Variants in CDC25A observed in about 807,000 individuals in gnomAD.
CDC25A encodes the protein cell division cycle 25A.
A neutral mutation model predicts 64.6 loss-of-function variants in CDC25A; 17 were observed. The observed-to-expected ratio is 0.26, with a 90% CI of 0.18 to 0.39. The LOEUF is 0.39. Among genes scored for constraint, CDC25A ranks in the 10% least tolerant of loss-of-function variants. The probability of loss-of-function intolerance (pLI) is 1.00; values close to 1 mark genes in which losing one functional copy is unlikely to be tolerated. For synonymous variants in CDC25A, 229 were observed against 238.6 expected, an observed-to-expected ratio of 0.96 and a Z score of 0.37; for missense variants, 473 against 654.8, an observed-to-expected ratio of 0.72 and a Z score of 3.03.
chr3:48,187,821 T>A lies in CDC25A; in HGVS notation c.127A>T (p.Thr43Ser). The change falls in exon 1 of 15, where the codon ACC becomes TCC. Residue 43 changes from threonine to serine, a missense_variant. Physicochemically the swap from Thr to Ser is moderately conservative, Grantham distance 58. Transcript: ENST00000302506. ...ASAAGGLSPV[T>S]NLTVTMDQLQ... ...TGGTCCATAGTGACGGTCAGGTTGG[T>A]GACAGGCGACAGTCCCCCGGCGGCT... 6.5e-7 allele frequency: 1 copy of A among 1,548,762 alleles called. No homozygotes were observed. The highest frequency in any genetic ancestry group is 8.7e-7 in the Non-Finnish European group (1 of 1,145,720).
In CDC25A at chr3:48,159,332, C is replaced by G; in HGVS notation, c.1434+12G>C. 1 of 1,574,238 alleles carries G rather than the reference C, an allele frequency of 6.4e-7. No homozygotes were observed. The highest frequency in any genetic ancestry group is 1.1e-5 in the South Asian group (1 of 90,252). On this transcript the variant is annotated intron_variant, in intron 14 of 14. Transcript: ENST00000302506. Reference sequence around the variant, plus strand: ...AGGGGAGGAGAGATGCTCTCCACAACCCCAGTCTTACCTGGCATTTCATAA... The same window carrying G: ...AGGGGAGGAGAGATGCTCTCCACAAGCCCAGTCTTACCTGGCATTTCATAA...
Position 48,159,509 on chromosome 3 carries a change from A to G in CDC25A, c.1323-54T>C, listed in dbSNP as rs962005490. 4 of 1,180,006 alleles carry G rather than the reference A, an allele frequency of 3.4e-6. No individual in the cohort carries two copies. In the African/African-American group the frequency reaches 6.0e-5, roughly 18 times the overall value. The allele number at this position is 1,180,006 out of a possible 1,614,324, so 73.1% of individuals were successfully genotyped here. A position where few individuals can be genotyped will look rare whatever the true frequency, so the allele number is the denominator to read the frequency against. ...GGTTAGCTTTTCCAGCACAGCAACA[A>G]GGCAACGCAGTCAAAGCAGCAGTTG... On this transcript the variant is annotated intron_variant, in intron 13 of 14. Coordinates refer to ENST00000302506, the MANE Select transcript of CDC25A (RefSeq NM_001789.3).
intron 12 of CDC25A, 129 bp downstream of exon 12, chr3:48,165,507 T>C: frequency 1.5e-6 from 1 of 646,560 alleles, no homozygotes; most frequent in Middle Eastern, 3.4e-4. Context: ...CCTTCCACAC[T>C]CACTGTATTG....
intron 5 of CDC25A, among the ~76,000 whole-genome samples, chr3:48,181,958 T>C (rs947758260): frequency 2.0e-5 from 3 of 152,160 alleles, no homozygotes; most frequent in African/African-American, 4.8e-5. Context: ...GTGCCCAAAA[T>C]ATTGAAGTAA....
At chr3:48,168,620 CTTTTTTT>C (rs35535424) in intron 9 of CDC25A, among the ~76,000 whole-genome samples, 1 of 135,440 alleles carries the variant, frequency 7.4e-6, no homozygotes, top group Non-Finnish European at 1.6e-5. Flanking sequence ...TATGTCTTAA[CTTTTTTT>C]TTTTTTTTTT....
At chr3:48,174,744 G>C (rs892744553) in intron 8 of CDC25A, 2 of 226,748 alleles carry the variant, frequency 8.8e-6, no homozygotes, top group Non-Finnish European at 1.7e-5. Flanking sequence ...GTCAAGAGAA[G>C]TGTGACCTTC....
intron 10 of CDC25A, among the ~76,000 whole-genome samples, chr3:48,166,198 G>A (rs543726561): frequency 4.9e-5 from 7 of 142,758 alleles, no homozygotes; most frequent in South Asian, 2.3e-4. Context: ...TGGGAAAATC[G>A]CTTGAATCCA....
chr3:48,158,880 T>C lies in CDC25A; in HGVS notation c.*65A>G. 1 of 1,583,244 alleles carries C rather than the reference T, an allele frequency of 6.3e-7. No individual in the cohort carries two copies. The highest frequency in any genetic ancestry group is 8.6e-7 in the Non-Finnish European group (1 of 1,161,898). ...GCTGTCCCCTTTGCTTAAGTTTCTCTGCAGCAAAGAGGGTAAAGGGGGATG... is the reference window on the plus strand; with the variant it reads ...GCTGTCCCCTTTGCTTAAGTTTCTCCGCAGCAAAGAGGGTAAAGGGGGATG... On this transcript the variant is annotated 3_prime_UTR_variant, in exon 15 of 15. Coordinates refer to ENST00000302506, the MANE Select transcript of CDC25A (RefSeq NM_001789.3).
chr3:48,161,647 T>C (rs1360455775), intron 13 of CDC25A, among the ~76,000 whole-genome samples: 1 of 152,010 alleles, frequency 6.6e-6, no homozygotes, highest in Non-Finnish European at 1.5e-5. Flanking sequence ...AGGCAGAGGC[T>C]ACAGTGAGCT....
chr3:48,177,761 A>G, intron 7 of CDC25A, 93 bp downstream of exon 7: 1 of 1,413,598 alleles, frequency 7.1e-7, no homozygotes, highest in Non-Finnish European at 1.0e-6. Flanking sequence ...GCCCCGGGGA[A>G]CTGCTGTTGC....
At chr3:48,161,890 G>A (rs1006704917) in intron 13 of CDC25A, among the ~76,000 whole-genome samples, 4 of 151,994 alleles carry the variant, frequency 2.6e-5, no homozygotes, top group African/African-American at 4.8e-5. Flanking sequence ...GCAAAACCCC[G>A]TCTCTACTAA....
chr3:48,182,826 G>T, intron 5 of CDC25A, 103 bp downstream of exon 5: 1 of 743,996 alleles, frequency 1.3e-6, no homozygotes, highest in Non-Finnish European at 2.4e-6. Context: ...CGCACATAAT[G>T]GCCAAGTTTA....
At chr3:48,164,281 A>G (rs763605834) in intron 13 of CDC25A, 26 bp downstream of exon 13, 73 of 1,494,442 alleles carry the variant, frequency 4.9e-5, no homozygotes, top group Non-Finnish European at 6.3e-5. Context: ...CCTGTGCCCC[A>G]GAACCCAGTT....
chr3:48,167,700 T>C, intron 10 of CDC25A, 146 bp downstream of exon 10: 2 of 598,434 alleles, frequency 3.3e-6, no homozygotes, highest in Non-Finnish European at 3.0e-6. Flanking sequence ...AGAAACTAAG[T>C]TTGCTTCCCT....
intron 6 of CDC25A, among the ~76,000 whole-genome samples, chr3:48,180,153 A>C (rs970194260): frequency 4.9e-4 from 74 of 152,326 alleles, no homozygotes; most frequent in African/African-American, 1.7e-3. Context: ...CCCAGGACTC[A>C]AGCGATCCTC....
Position 48,180,805 on chromosome 3 carries a change from T to A in CDC25A, c.465A>T (p.Val155=). The change falls in exon 6 of 15, where the codon GTA becomes GTT. Residue 155 remains valine (V), a synonymous_variant. Coordinates refer to ENST00000302506, the MANE Select transcript of CDC25A (RefSeq NM_001789.3). ...CATGAGAGTGCAGGCAGCCACGAGA[T>A]ACAGGTCTTACTGGCTTCTTAAACT... ...AFEFKKPVRP[V]SRGCLHSHGL... is the part of the protein sequence containing the mutation. The A allele has an allele frequency of 9.3e-6, 15 of 1,614,094 alleles. No homozygotes were observed. Among genetic ancestry groups the A allele is most frequent in the Non-Finnish European group, 1.3e-5 (15 of 1,179,988 alleles).
At chr3:48,178,326 T>C (rs2032542578) in intron 6 of CDC25A, among the ~76,000 whole-genome samples, 1 of 152,182 alleles carries the variant, frequency 6.6e-6, no homozygotes, top group Non-Finnish European at 1.5e-5. Flanking sequence ...ACTGTGACAG[T>C]ATGAGAATCT....
rs1443764638 is a variant in CDC25A, at chr3:48,157,385, G to A, written c.*1560C>T. ...CTCTCCCCCACATTTTTCCCAACAA[G>A]ATTGTTTTATAGCCAAATGTAACTC... On this transcript the variant is annotated 3_prime_UTR_variant, in exon 15 of 15. Coordinates refer to ENST00000302506, the MANE Select transcript of CDC25A (RefSeq NM_001789.3). 1 of 152,570 alleles carries A rather than the reference G, an allele frequency of 6.6e-6. No individual in the cohort carries two copies. Among genetic ancestry groups the A allele is most frequent in the East Asian group, 1.9e-4 (1 of 5,196 alleles). 9.5% of individuals were successfully genotyped at this position (152,570 alleles called of 1,614,324 possible).
chr3:48,162,847 CAA>C (rs113100105), intron 13 of CDC25A, among the ~76,000 whole-genome samples: 4 of 118,546 alleles, frequency 3.4e-5, no homozygotes, highest in Admixed American at 8.7e-5. Flanking sequence ...GACTCCGTCT[CAA>C]AAAAAAAAAA....
Sources: gnomAD v4.1 joint callset for allele counts (sites outside exome capture counted in the v4.1 genomes callset) on GRCh38, gnomAD v4.1.1 for gene constraint, MANE v1.5 for transcripts, NCBI Gene and HGNC (gene_info 2026-07-23, HGNC 2026-07-21) for gene names.